The following GABRB3 variants were observed in gnomAD, a reference collection of about 807,000 sequenced individuals.
GABRB3 encodes gamma-aminobutyric acid type A receptor subunit beta3, also known as gamma-aminobutyric acid receptor subunit beta-3.
In GABRB3, 14 loss-of-function variants were observed where a neutral mutation model predicts 52.1. That is an observed-to-expected ratio of 0.27 (90% CI 0.18 to 0.42). The LOEUF (loss-of-function observed/expected upper bound fraction) is 0.42, where lower values mean the gene tolerates loss of function less well. GABRB3 is among the 10% of genes least tolerant of loss of function. The probability of loss-of-function intolerance (pLI) is 1.00; values close to 1 mark genes in which losing one functional copy is unlikely to be tolerated. For missense variants in GABRB3, 307 were observed against 609.1 expected (o/e 0.50, Z 5.22); for synonymous variants, 260 against 232.3 (o/e 1.12, Z -1.08).
At chr15:26,550,493 G>C (rs1889416855) in intron 8 of GABRB3, among the ~76,000 whole-genome samples, 1 of 152,190 alleles carries the variant, frequency 6.6e-6, no homozygotes. Flanking sequence ...AAAAATAACA[G>C]GTGCTGGCAA....
intron 3 of GABRB3, among the ~76,000 whole-genome samples, chr15:26,632,042 G>A (rs898389954): frequency 3.3e-5 from 5 of 152,178 alleles, no homozygotes; most frequent in African/African-American, 7.2e-5. Context: ...CTTTGGAAGC[G>A]AACGTGCCGA....
intron 3 of GABRB3, chr15:26,624,571 G>A (rs1440913773): frequency 5.1e-6 from 5 of 985,422 alleles, no homozygotes; most frequent in Middle Eastern, 5.2e-4. Flanking sequence ...CACCAGCAGC[G>A]CCTCTCAGTT....
At chr15:26,767,593 A>G (rs1433451663) in intron 3 of GABRB3, among the ~76,000 whole-genome samples, 1 of 152,168 alleles carries the variant, frequency 6.6e-6, no homozygotes, top group African/African-American at 2.4e-5. Flanking sequence ...CAGAACCCAT[A>G]GCTCCCAATG....
chr15:26,639,426 C>T (rs1038924035), intron 3 of GABRB3, among the ~76,000 whole-genome samples: 6 of 151,070 alleles, frequency 4.0e-5, no homozygotes, highest in Non-Finnish European at 8.8e-5. Flanking sequence ...TACAGTATAG[C>T]AACTATTTAC....
intron 3 of GABRB3, among the ~76,000 whole-genome samples, chr15:26,679,717 T>C (rs1358317280): frequency 6.6e-5 from 10 of 151,674 alleles, no homozygotes; most frequent in Admixed American, 6.6e-4. Context: ...CTTCCGGAGA[T>C]GGGGGAATCA....
intron 3 of GABRB3, among the ~76,000 whole-genome samples, chr15:26,679,438 A>G (rs1331341714): frequency 1.3e-5 from 2 of 152,164 alleles, no homozygotes; most frequent in East Asian, 1.9e-4. Flanking sequence ...TGATCCGGTC[A>G]CACGCATTGC....
chr15:26,712,970 C>T (rs930367825), intron 3 of GABRB3, among the ~76,000 whole-genome samples: 53 of 152,316 alleles, frequency 3.5e-4, no homozygotes, highest in Middle Eastern at 6.8e-3. Flanking sequence ...GGCTGCACAG[C>T]GAAGGCAGAC....
intron 3 of GABRB3, among the ~76,000 whole-genome samples, chr15:26,762,660 T>A (rs1160276298): frequency 6.6e-6 from 1 of 152,240 alleles, no homozygotes; most frequent in African/African-American, 2.4e-5. Context: ...GTGTTGGCCA[T>A]AATTTCCAAT....
intron 3 of GABRB3, among the ~76,000 whole-genome samples, chr15:26,644,603 C>T (rs1365688937): frequency 6.6e-6 from 1 of 152,224 alleles, no homozygotes; most frequent in Non-Finnish European, 1.5e-5. Context: ...GGCTTCCAGC[C>T]TCCGGAACTG....
Position 26,662,572 on chromosome 15 carries a change from C to T in GABRB3, c.241-41038G>A, listed in dbSNP as rs566689922. Among the ~76,000 whole-genome samples, 7 of 152,334 alleles carry T rather than the reference C, an allele frequency of 4.6e-5. No homozygotes were observed. In the East Asian group the frequency reaches 7.7e-4, roughly 17 times the overall value. On this transcript the variant is annotated intron_variant, in intron 3 of 8. Coordinates refer to ENST00000311550, the MANE Select transcript of GABRB3 (RefSeq NM_000814.6). ...CATTACTCTGTGCAGCTCCATGCCA[C>T]GGTGCCTCTGCACAGATGAACAGGG...
At chr15:26,581,949 A>ATAGAGC (rs3974413) in intron 5 of GABRB3, among the ~76,000 whole-genome samples, 73 of 152,132 alleles carry the variant, frequency 4.8e-4, no homozygotes, top group Middle Eastern at 3.4e-3. Context: ...CCGTGCCTAC[A>ATAGAGC]TAATGTCCAG....
At position 26,629,009 on chromosome 15, in the gene GABRB3, C is replaced by T. The variant is rs560747226; in HGVS notation, c.241-7475G>A. ...GTCTGGTAGGTGGCCCACATGGGGA[C>T]ACGAGGGAGTCTCCCGGTATCCCGG... is the stretch of plus-strand genomic sequence containing the variant. On this transcript the variant is annotated intron_variant, in intron 3 of 8. Transcript: ENST00000311550. 1.2e-5 allele frequency: 18 copies of T among 1,536,170 alleles called. No individual in the cohort carries two copies. The East Asian group carries it at 4.4e-4, about 38-fold the overall frequency.
chr15:26,569,746 A>C (rs1426330243), intron 6 of GABRB3, among the ~76,000 whole-genome samples: 7 of 152,258 alleles, frequency 4.6e-5, no homozygotes, highest in African/African-American at 1.7e-4. Context: ...TGCCACTATC[A>C]GCAGATTAAT....
chr15:26,624,926 G>A (rs565085774), intron 3 of GABRB3: 4 of 985,426 alleles, frequency 4.1e-6, no homozygotes, highest in East Asian at 2.3e-4. Context: ...GCGGGCAGCC[G>A]CTTGTGTGAG....
In GABRB3 at chr15:26,599,590, C is replaced by A. The variant is rs74476106; in HGVS notation, c.462-16176G>T. On this transcript the variant is annotated intron_variant, in intron 4 of 8. Coordinates refer to ENST00000311550, the MANE Select transcript of GABRB3 (RefSeq NM_000814.6). ...AGCACAGTCAGCAGCTTCATTCAAC[C>A]TCAAAGCAAAGGCAGAGACCCATCA... 1.9e-3 allele frequency among the ~76,000 whole-genome samples: 291 copies of A among 152,324 alleles called. 4 individuals carry two copies. The East Asian group carries it at 0.036, about 19-fold the overall frequency.
intron 4 of GABRB3, 75 bp from the exon 5 acceptor site, chr15:26,583,489 C>G (rs72702137): frequency 4.0e-5 from 50 of 1,238,542 alleles, no homozygotes; most frequent in Non-Finnish European, 5.8e-5. Context: ...CTTAGATAAA[C>G]GAGTAAGCCC....
intron 3 of GABRB3, among the ~76,000 whole-genome samples, chr15:26,763,043 G>A (rs1042643686): frequency 7.2e-5 from 11 of 152,126 alleles, no homozygotes; most frequent in African/African-American, 1.2e-4. Context: ...AGGTATCCCC[G>A]CCCCCTTTCT....
intron 3 of GABRB3, among the ~76,000 whole-genome samples, chr15:26,667,458 C>T (rs1207174677): frequency 1.3e-5 from 2 of 152,220 alleles, no homozygotes; most frequent in African/African-American, 2.4e-5. Flanking sequence ...TCTTGTGTGA[C>T]ACAGTTCTAC....
In GABRB3 at chr15:26,585,975, A is replaced by C. The variant is rs571400043; in HGVS notation, c.462-2561T>G. Among the ~76,000 whole-genome samples the C allele has an allele frequency of 3.3e-5, 5 of 152,240 alleles. No homozygotes were observed. The South Asian group carries it at 6.2e-4, about 19-fold the overall frequency. The stretch of plus-strand genomic sequence containing the variant: ...AAAGAACCTTCACTGACAATGTTCA[A>C]ATTTTTTAATTTTCTTTTTGTTTGT... On this transcript the variant is annotated intron_variant, in intron 4 of 8. Coordinates refer to ENST00000311550, the MANE Select transcript of GABRB3 (RefSeq NM_000814.6).
Sources: allele counts gnomAD v4.1 joint callset (sites outside exome capture counted in the v4.1 genomes callset), GRCh38; gene constraint gnomAD v4.1.1; transcripts MANE v1.5; gene names NCBI Gene and HGNC (gene_info 2026-07-23, HGNC 2026-07-21).